The following CATSPERB variants were observed in gnomAD, a reference collection of about 807,000 sequenced individuals.
CATSPERB encodes catsper channel auxiliary subunit beta, also known as cation channel sperm-associated auxiliary subunit beta.
CATSPERB carries 93 observed loss-of-function variants against 128.3 expected under a neutral mutation model. That is an observed-to-expected ratio of 0.72 (90% CI 0.61 to 0.86). The LOEUF (loss-of-function observed/expected upper bound fraction) is 0.86, where lower values mean the gene tolerates loss of function less well. Among genes scored for constraint, CATSPERB ranks in the 40% least tolerant of loss-of-function variants. The pLI is 0.00. For synonymous variants in CATSPERB, 381 were observed against 448.8 expected, an observed-to-expected ratio of 0.85 and a Z score of 1.91; for missense variants, 1,153 against 1,329.5, an observed-to-expected ratio of 0.87 and a Z score of 2.06.
chr14:91,666,596 T>C (rs1282316869), intron 14 of CATSPERB, among the ~76,000 whole-genome samples: 1 of 152,222 alleles, frequency 6.6e-6, no homozygotes, highest in African/African-American at 2.4e-5. Flanking sequence ...GTTGATGTAG[T>C]AGCAAAAGTC....
chr14:91,729,548 A>C, intron 1 of CATSPERB, 69 bp from the exon 2 acceptor site: 1 of 789,204 alleles, frequency 1.3e-6, no homozygotes, highest in Non-Finnish European at 2.1e-6. Flanking sequence ...TTTGCTATAA[A>C]CAACTACAAA....
intron 15 of CATSPERB, among the ~76,000 whole-genome samples, chr14:91,659,533 T>G (rs59882802): frequency 0.29 from 43,872 of 152,148 alleles, 6,457 homozygotes; most frequent in Middle Eastern, 0.34. Context: ...GTTCTGAATA[T>G]CAGATGAGAT....
chr14:91,607,834 C>T (rs1266215622), intron 22 of CATSPERB, among the ~76,000 whole-genome samples: 1 of 152,122 alleles, frequency 6.6e-6, no homozygotes, highest in Admixed American at 6.5e-5. Flanking sequence ...AACCTAATGG[C>T]TCCTCCCTTG....
chr14:91,663,128 GA>G (rs907821967), intron 14 of CATSPERB, among the ~76,000 whole-genome samples: 21 of 151,580 alleles, frequency 1.4e-4, no homozygotes, highest in African/African-American at 5.1e-4. Flanking sequence ...TTTTTAAAAA[GA>G]GGATGCAGAA....
intron 22 of CATSPERB, chr14:91,603,073 T>C (rs995511076): frequency 1.1e-4 from 90 of 786,260 alleles, no homozygotes; most frequent in Non-Finnish European, 1.9e-4. Flanking sequence ...GTTTTGGGCC[T>C]GCTTTTTTAC....
At chr14:91,687,951 A>C (rs1895402605) in intron 10 of CATSPERB, among the ~76,000 whole-genome samples, 1 of 27,410 alleles carries the variant, frequency 3.6e-5, no homozygotes, top group African/African-American at 1.2e-4. Context: ...AGAGTGTCTC[A>C]AAAAAAAAAA....
chr14:91,713,233 G>A (rs565867016), intron 5 of CATSPERB, among the ~76,000 whole-genome samples: 50 of 151,776 alleles, frequency 3.3e-4, no homozygotes, highest in Admixed American at 8.5e-4. Flanking sequence ...CAGGATCAGG[G>A]GTCAGTACTT....
rs756927947 is a variant in CATSPERB at position 91,621,853 on chromosome 14, A to C, written c.2015T>G (p.Leu672Ter). The C allele has an allele frequency of 6.2e-6, 10 of 1,614,120 alleles. No homozygotes were observed. Among genetic ancestry groups the C allele is most frequent in the Non-Finnish European group, 8.5e-6 (10 of 1,179,974 alleles). The change falls in exon 19 of 27, where the codon TTA becomes TGA. Residue 672 changes from leucine (L) to a stop codon, truncating the protein, a stop_gained. Transcript: ENST00000256343. LOFTEE classifies it high-confidence loss of function. The stretch of plus-strand genomic sequence containing the variant: ...AATGGCTAATGCATTCTTATTATCT[A>C]AAATGCTTGTGATGAGGAAGCTGCT... ...GYSSFLITSI[L>*]DNKNALAIAT...
chr14:91,650,526 G>A (rs1894685989), intron 15 of CATSPERB, among the ~76,000 whole-genome samples: 1 of 152,198 alleles, frequency 6.6e-6, no homozygotes, highest in Non-Finnish European at 1.5e-5. Context: ...TGTTGCAGCA[G>A]AAGAATCCAA....
chr14:91,657,950 A>C (rs1894814148), intron 15 of CATSPERB, among the ~76,000 whole-genome samples: 1 of 152,172 alleles, frequency 6.6e-6, no homozygotes, highest in Non-Finnish European at 1.5e-5. Context: ...TGGAGAGTAC[A>C]TTAGTACTAT....
chr14:91,719,361 T>A, intron 5 of CATSPERB, 57 bp downstream of exon 5: 3 of 1,243,436 alleles, frequency 2.4e-6, no homozygotes, highest in South Asian at 3.1e-5. Flanking sequence ...CTTTTTGTTC[T>A]TTTTATTTGA....
At chr14:91,721,085 G>C (rs1028679920) in intron 4 of CATSPERB, among the ~76,000 whole-genome samples, 1 of 150,496 alleles carries the variant, frequency 6.6e-6, no homozygotes, top group African/African-American at 2.5e-5. Flanking sequence ...ACTCAAAATG[G>C]ATCCAAGATC....
intron 14 of CATSPERB, among the ~76,000 whole-genome samples, chr14:91,665,994 C>T (rs939009151): frequency 2.6e-5 from 4 of 152,120 alleles, no homozygotes; most frequent in South Asian, 2.1e-4. Context: ...ATCATGGGGG[C>T]GATTTCCCCA....
At chr14:91,590,950 C>T (rs1893388187) in intron 23 of CATSPERB, among the ~76,000 whole-genome samples, 1 of 152,136 alleles carries the variant, frequency 6.6e-6, no homozygotes, top group African/African-American at 2.4e-5. Context: ...CGAGCCCGGC[C>T]TCTAGATGTC....
intron 15 of CATSPERB, chr14:91,646,075 G>A: frequency 6.5e-6 from 1 of 154,834 alleles, no homozygotes; most frequent in Non-Finnish European, 1.4e-5. Flanking sequence ...CTCGCGCACG[G>A]TGCGCGCACC....
chr14:91,693,573 T>C (rs954661149), intron 7 of CATSPERB, 94 bp from the exon 8 acceptor site: 2 of 792,486 alleles, frequency 2.5e-6, no homozygotes, highest in Non-Finnish European at 4.3e-6. Flanking sequence ...CAACTCCCTC[T>C]CAGCACTATG....
At chr14:91,687,301 C>T (rs1386096498) in intron 10 of CATSPERB, among the ~76,000 whole-genome samples, 3 of 152,162 alleles carry the variant, frequency 2.0e-5, no homozygotes, top group Non-Finnish European at 4.4e-5. Flanking sequence ...TCCCTTGCAA[C>T]ATGTCCTTTC....
rs1894043962 is a variant in CATSPERB at position 91,621,647 on chromosome 14, A to T, written c.2221T>A (p.Ser741Thr). Reference protein sequence around the residue: ...NIVKYIDLGNSYVLKAKVIRN... With the variant: ...NIVKYIDLGNTYVLKAKVIRN... ...ATGACCTTAGCTTTTAAAACATAAGAGTTTCCCAGATCAATGTATTTCACG... is the reference window on the plus strand; with the variant it reads ...ATGACCTTAGCTTTTAAAACATAAGTGTTTCCCAGATCAATGTATTTCACG... The change falls in exon 19 of 27, where the codon TCT (serine) becomes ACT (threonine). Residue 741 changes from serine (S) to threonine (T), a missense_variant. Physicochemically the swap from Ser to Thr is moderately conservative, Grantham distance 58. Transcript: ENST00000256343. 6.2e-7 allele frequency: 1 copy of T among 1,611,000 alleles called. No individual in the cohort carries two copies. Among genetic ancestry groups the T allele is most frequent in the South Asian group, 1.1e-5 (1 of 90,786 alleles).
Position 91,697,339 on chromosome 14 carries a change from T to C in CATSPERB, c.617-3860A>G, listed in dbSNP as rs563984348. Among the ~76,000 whole-genome samples the C allele has an allele frequency of 9.9e-5, 15 of 151,860 alleles. No individual in the cohort carries two copies. In the South Asian group the frequency reaches 2.3e-3, roughly 23 times the overall value. ...GTGAGAACAGAGGAAAATAAGGATG[T>C]TGGGTAGTGAAAAAAGTGATAGTGA... is the stretch of plus-strand genomic sequence containing the variant. On this transcript the variant is annotated intron_variant, in intron 7 of 26. Transcript: ENST00000256343.
Sources: gnomAD v4.1 joint callset for allele counts (sites outside exome capture counted in the v4.1 genomes callset) on GRCh38, gnomAD v4.1.1 for gene constraint, MANE v1.5 for transcripts, NCBI Gene and HGNC (gene_info 2026-07-23, HGNC 2026-07-21) for gene names.